The following OGT variants were observed in gnomAD, a reference collection of about 807,000 sequenced individuals.
The protein encoded by OGT is UDP-N-acetylglucosamine--peptide N-acetylglucosaminyltransferase 110 kDa subunit.
Under a neutral mutation model 75.8 loss-of-function variants are expected in OGT, and 3 were observed. The ratio of observed to expected loss-of-function variants is 0.04; its 90% CI spans 0.02 to 0.10. The LOEUF (loss-of-function observed/expected upper bound fraction) is 0.10. Among genes scored for constraint, OGT ranks in the 10% least tolerant of loss-of-function variants. OGT has a pLI of 1.00. For missense variants in OGT, 260 were observed against 824.4 expected (o/e 0.32, Z 8.38); for synonymous variants, 257 against 289.7 (o/e 0.89, Z 1.15).
chrX:71,567,363 G>A, intron 19 of OGT, 137 bp from the exon 20 acceptor site: 1 of 435,885 alleles, frequency 2.3e-6, no homozygotes, highest in Non-Finnish European at 3.7e-6. Flanking sequence ...CTCTGTGAAG[G>A]AAAGACTTAA....
chrX:71,552,992 A>C, intron 5 of OGT, among the ~76,000 whole-genome samples: 1 of 112,297 alleles, frequency 8.9e-6, no homozygotes, highest in Non-Finnish European at 1.9e-5. Context: ...ATAAAGTTTA[A>C]AAGTTCTTGG....
intron 14 of OGT, 40 bp from the exon 15 acceptor site, chrX:71,561,735 T>TAATTATACATA (rs1486447841): frequency 9.2e-7 from 1 of 1,091,764 alleles, no homozygotes; most frequent in East Asian, 3.2e-5. Flanking sequence ...CTAATTGATC[T>TAATTATACATA]GAGATTATAC....
chrX:71,552,590 A>G (rs1272328379), intron 5 of OGT, among the ~76,000 whole-genome samples: 1 of 110,014 alleles, frequency 9.1e-6, no homozygotes, highest in Admixed American at 9.7e-5. Flanking sequence ...GGGCTTTGCC[A>G]TGTTCCCAGG....
intron 4 of OGT, chrX:71,546,624 A>G: frequency 8.2e-6 from 6 of 728,119 alleles, no homozygotes; most frequent in Non-Finnish European, 9.8e-6. Flanking sequence ...TACTATAGCC[A>G]CAATTCTGTC....
chrX:71,551,977 G>A (rs975027398), intron 5 of OGT, among the ~76,000 whole-genome samples: 2 of 110,829 alleles, frequency 1.8e-5, no homozygotes, highest in African/African-American at 6.6e-5. Flanking sequence ...GGAGGCTGAG[G>A]CGAGTGGATC....
intron 1 of OGT, among the ~76,000 whole-genome samples, chrX:71,534,692 C>G (rs939284963): frequency 9.0e-6 from 1 of 111,430 alleles, no homozygotes; most frequent in Non-Finnish European, 1.9e-5. Context: ...GTACTGGATT[C>G]TGTACTAGCT....
intron 21 of OGT, among the ~76,000 whole-genome samples, chrX:71,570,006 T>A (rs1368795073): frequency 2.0e-5 from 2 of 100,939 alleles, no homozygotes; most frequent in Non-Finnish European, 4.0e-5. Context: ...AGTGCTGCGA[T>A]TACAGGAGTG....
intron 7 of OGT, among the ~76,000 whole-genome samples, 193 bp downstream of exon 7, chrX:71,555,578 C>T (rs1003833696): frequency 9.0e-6 from 1 of 111,478 alleles, no homozygotes; most frequent in Non-Finnish European, 1.9e-5. Flanking sequence ...AAAAATTAGC[C>T]GGGCATGGTG....
At chrX:71,570,500 TGG>T (rs2040450832) in intron 21 of OGT, among the ~76,000 whole-genome samples, 1 of 111,976 alleles carries the variant, frequency 8.9e-6, no homozygotes, top group African/African-American at 3.2e-5. Context: ...TTTGAGACTT[TGG>T]GCAAATAAAT....
intron 21 of OGT, 58 bp downstream of exon 21, chrX:71,568,174 A>T: frequency 9.7e-7 from 1 of 1,026,639 alleles, no homozygotes. Context: ...TATAGCTGTT[A>T]TAAAATGAAA....
At chrX:71,564,556 C>T (rs908614238) in intron 18 of OGT, 45 bp from the exon 19 acceptor site, 1 of 1,049,665 alleles carries the variant, frequency 9.5e-7, no homozygotes, top group Non-Finnish European at 1.3e-6. Context: ...AAATATTGGA[C>T]TCCTTTTGCC....
chrX:71,564,580 A>T, intron 18 of OGT, 21 bp from the exon 19 acceptor site: 1 of 1,186,765 alleles, frequency 8.4e-7, no homozygotes, highest in Non-Finnish European at 1.1e-6. Context: ...AAATATAACC[A>T]TCATTTTTTT....
At chrX:71,570,359 T>C (rs1019778107) in intron 21 of OGT, among the ~76,000 whole-genome samples, 18 of 111,798 alleles carry the variant, frequency 1.6e-4, no homozygotes, top group Admixed American at 3.8e-4. Context: ...AAATGAGGTT[T>C]TTCTTTCGGT....
At chrX:71,572,195 G>GT (rs752426061) in intron 21 of OGT, among the ~76,000 whole-genome samples, 1 of 111,630 alleles carries the variant, frequency 9.0e-6, no homozygotes, top group East Asian at 2.8e-4. Context: ...GTTCTGGAGG[G>GT]TTTTTTTCCC....
chrX:71,550,179 G>A (rs2040292722), intron 5 of OGT, among the ~76,000 whole-genome samples: 2 of 111,769 alleles, frequency 1.8e-5, no homozygotes, highest in African/African-American at 3.2e-5. Context: ...CAAAATGGCT[G>A]TGCCAATTTA....
Position 71,573,740 on chromosome X carries a change from T to C in OGT, c.3087T>C (p.Ala1029=), listed in dbSNP as rs2040473459. Residue 1029 remains alanine, a synonymous_variant, in exon 22 of 22, where the codon GCT becomes GCC. Transcript: ENST00000373719. ...LYLQMWEHYA[A]GNKPDHMIKP... ...TACAGATGTGGGAGCATTATGCAGCTGGCAACAAACCTGACCACATGATTA... is the reference window on the plus strand; with the variant it reads ...TACAGATGTGGGAGCATTATGCAGCCGGCAACAAACCTGACCACATGATTA... 8.3e-7 allele frequency: 1 copy of C among 1,210,255 alleles called. No homozygotes were observed. Among genetic ancestry groups the C allele is most frequent in the Non-Finnish European group, 1.1e-6 (1 of 894,568 alleles).
At chrX:71,541,506 G>A (rs1322264860) in intron 3 of OGT, among the ~76,000 whole-genome samples, 16 of 111,452 alleles carry the variant, frequency 1.4e-4, no homozygotes, top group Non-Finnish European at 2.6e-4. Flanking sequence ...GACCCGTAAA[G>A]GAAAAAATGG....
intron 3 of OGT, among the ~76,000 whole-genome samples, chrX:71,539,805 A>T (rs974492792): frequency 1.1e-4 from 12 of 111,456 alleles, no homozygotes; most frequent in African/African-American, 3.9e-4. Context: ...ACTCTTATTG[A>T]TAGTGTACCC....
At position 71,556,068 on chromosome X, in the gene OGT, G is replaced by T. The variant is rs760923127; in HGVS notation, c.1039G>T (p.Val347Phe). The part of the protein sequence containing the change: ...KREQGNIEEA[V>F]RLYRKALEVF... ...AGAACAGGGAAACATTGAAGAGGCA[G>T]TTCGCTTGTATCGTAAAGCATTAGA... The change falls in exon 8 of 22, where the codon GTT becomes TTT. Residue 347 changes from valine to phenylalanine, a missense_variant. Physicochemically the swap from Val to Phe is conservative, Grantham distance 50. This residue lies in a region of OGT where 99 missense variants were observed against 417.9 expected (regional missense o/e 0.24). Coordinates refer to ENST00000373719, the MANE Select transcript of OGT (RefSeq NM_181672.3). 8.3e-7 allele frequency: 1 copy of T among 1,210,332 alleles called. No homozygotes were observed. The highest frequency in any genetic ancestry group is 1.7e-5 in the African/African-American group (1 of 57,379).
Sources: gnomAD v4.1 joint callset for allele counts (sites outside exome capture counted in the v4.1 genomes callset) on GRCh38, gnomAD v4.1.1 for gene constraint, gnomAD v4.1.1 regional missense constraint, MANE v1.5 for transcripts, NCBI Gene and HGNC (gene_info 2026-07-23, HGNC 2026-07-21) for gene names.